CAMKMT: variants seen among roughly 807,000 people sequenced by gnomAD.
CAMKMT encodes the protein CaM KMT.
A neutral mutation model predicts 48.0 loss-of-function variants in CAMKMT; 53 were observed. The observed-to-expected ratio is 1.10, with a 90% CI of 0.89 to 1.39. The LOEUF is 1.39. Ranked by LOEUF, CAMKMT falls within the 40% of genes most tolerant of loss-of-function variation. The pLI, the probability that CAMKMT is intolerant of heterozygous loss-of-function variation, is 0.00. For missense variants in CAMKMT, 428 were observed against 402.7 expected (o/e 1.06, Z -0.54); for synonymous variants, 165 against 152.3 (o/e 1.08, Z -0.61).
At chr2:44,487,501 GT>G (rs1271602983) in intron 3 of CAMKMT, among the ~76,000 whole-genome samples, 1 of 152,028 alleles carries the variant, frequency 6.6e-6, no homozygotes, top group Admixed American at 6.6e-5. Context: ...AAATTAACAG[GT>G]TTTTTTTAAA....
At chr2:44,673,489 G>A (rs1297670090) in intron 3 of CAMKMT, among the ~76,000 whole-genome samples, 1 of 133,434 alleles carries the variant, frequency 7.5e-6, no homozygotes. Context: ...AAGGAAGGAA[G>A]GAAGGAAGGA....
intron 1 of CAMKMT, among the ~76,000 whole-genome samples, chr2:44,362,399 C>T (rs1677985594): frequency 6.6e-6 from 1 of 152,270 alleles, no homozygotes; most frequent in African/African-American, 2.4e-5. Context: ...TAGAAGAACC[C>T]CTTCTAGACA....
At chr2:44,581,862 G>T (rs1010355672) in intron 3 of CAMKMT, among the ~76,000 whole-genome samples, 1 of 152,210 alleles carries the variant, frequency 6.6e-6, no homozygotes, top group Non-Finnish European at 1.5e-5. Flanking sequence ...AGCCAGGCGT[G>T]GTGCCGCGCG....
chr2:44,629,435 T>C (rs1301320763), intron 3 of CAMKMT, among the ~76,000 whole-genome samples: 1 of 121,598 alleles, frequency 8.2e-6, no homozygotes, highest in Non-Finnish European at 1.8e-5. Context: ...CTTTCTTTCT[T>C]TTTTTTTTTT....
At chr2:44,688,499 T>C (rs1022716671) in intron 3 of CAMKMT, among the ~76,000 whole-genome samples, 1 of 148,294 alleles carries the variant, frequency 6.7e-6, no homozygotes, top group Admixed American at 6.7e-5. Context: ...TACACATACA[T>C]ATATATACAT....
At chr2:44,582,361 G>A (rs1669611325) in intron 3 of CAMKMT, among the ~76,000 whole-genome samples, 1 of 152,202 alleles carries the variant, frequency 6.6e-6, no homozygotes, top group Non-Finnish European at 1.5e-5. Flanking sequence ...TAATGTTTTG[G>A]TGCTGATCAT....
intron 3 of CAMKMT, among the ~76,000 whole-genome samples, chr2:44,398,123 C>G (rs952931966): frequency 6.6e-6 from 1 of 152,180 alleles, no homozygotes; most frequent in African/African-American, 2.4e-5. Context: ...TTTGTAAGTA[C>G]TGTCCCGTTT....
intron 3 of CAMKMT, among the ~76,000 whole-genome samples, chr2:44,643,659 A>C (rs1445064539): frequency 6.6e-6 from 1 of 152,186 alleles, no homozygotes; most frequent in Non-Finnish European, 1.5e-5. Context: ...TGTTTGAAAA[A>C]ATTGTAGAAA....
At chr2:44,638,572 A>G (rs939677107) in intron 3 of CAMKMT, among the ~76,000 whole-genome samples, 4 of 152,186 alleles carry the variant, frequency 2.6e-5, no homozygotes, top group African/African-American at 9.7e-5. Context: ...TTGTCTTTCA[A>G]ATGGGGCCAA....
intron 3 of CAMKMT, among the ~76,000 whole-genome samples, chr2:44,480,898 A>G (rs933735945): frequency 6.6e-6 from 1 of 152,110 alleles, no homozygotes; most frequent in Admixed American, 6.5e-5. Context: ...AGAGATGCAT[A>G]TATATATTTA....
chr2:44,453,665 A>G (rs969849075), intron 3 of CAMKMT, among the ~76,000 whole-genome samples: 2 of 152,072 alleles, frequency 1.3e-5, no homozygotes, highest in Admixed American at 6.6e-5. Flanking sequence ...AAACATTTTT[A>G]TTAAAAGATA....
At chr2:44,739,241 C>G (rs1401862963) in intron 7 of CAMKMT, among the ~76,000 whole-genome samples, 1 of 152,084 alleles carries the variant, frequency 6.6e-6, no homozygotes, top group African/African-American at 2.4e-5. Flanking sequence ...AATTAGGGAG[C>G]TATGAAATAA....
chr2:44,745,015 C>T (rs1284398373), intron 8 of CAMKMT, among the ~76,000 whole-genome samples: 7 of 152,094 alleles, frequency 4.6e-5, no homozygotes, highest in African/African-American at 1.4e-4. Flanking sequence ...CCGTATGATT[C>T]GAGCAAGTAA....
chr2:44,497,707 CAAAGAGAG>C (rs1669816310), intron 3 of CAMKMT, among the ~76,000 whole-genome samples: 2 of 82,804 alleles, frequency 2.4e-5, no homozygotes, highest in African/African-American at 1.4e-4. Flanking sequence ...ATTAAGCAGG[CAAAGAGAG>C]AGAGAGAGAG....
intron 3 of CAMKMT, among the ~76,000 whole-genome samples, chr2:44,423,316 A>G (rs1042726888): frequency 2.0e-5 from 3 of 152,012 alleles, no homozygotes; most frequent in African/African-American, 7.2e-5. Context: ...AGTAGCTGGG[A>G]TTACAGTCAT....
chr2:44,754,022 T>A (rs750557385), intron 8 of CAMKMT, 33 bp from the exon 9 acceptor site: 3 of 1,577,504 alleles, frequency 1.9e-6, no homozygotes, highest in Non-Finnish European at 2.6e-6. Flanking sequence ...AAAACCCAGT[T>A]TAATCTGGAT....
intron 3 of CAMKMT, among the ~76,000 whole-genome samples, chr2:44,576,681 T>C (rs1370164425): frequency 6.6e-6 from 1 of 152,172 alleles, no homozygotes; most frequent in African/African-American, 2.4e-5. Flanking sequence ...GTTGGTGAGA[T>C]TATTCAGGTC....
chr2:44,496,799 C>T (rs1238925815), intron 3 of CAMKMT, among the ~76,000 whole-genome samples: 2 of 152,130 alleles, frequency 1.3e-5, no homozygotes, highest in East Asian at 1.9e-4. Context: ...AATAGAAATG[C>T]TTAGTTCTAC....
At chr2:44,727,518 GAGTCTTTAGGATTTTCTA>G (rs1250750066) in intron 7 of CAMKMT, among the ~76,000 whole-genome samples, 4 of 152,200 alleles carry the variant, frequency 2.6e-5, no homozygotes, top group Admixed American at 6.5e-5. Flanking sequence ...CCTTTTGGCA[GAGTCTTTAGGATTTTCTA>G]AGTATAGAAT....
Sources: gnomAD v4.1 joint callset for allele counts (sites outside exome capture counted in the v4.1 genomes callset) on GRCh38, gnomAD v4.1.1 for gene constraint, MANE v1.5 for transcripts, NCBI Gene and HGNC (gene_info 2026-07-23, HGNC 2026-07-21) for gene names.